The following ST6GAL1 variants were observed in gnomAD, a reference collection of about 807,000 sequenced individuals.
ST6GAL1 encodes beta-galactoside alpha-2,6-sialyltransferase 1.
A neutral mutation model predicts 38.0 loss-of-function variants in ST6GAL1; 20 were observed. The observed-to-expected ratio is 0.53, with a 90% CI of 0.37 to 0.77. ST6GAL1 has a LOEUF of 0.77. Ranked by LOEUF, ST6GAL1 falls within the 30% of genes least tolerant of loss-of-function variation. The probability of loss-of-function intolerance (pLI) is 0.00; values close to 1 mark genes in which losing one functional copy is unlikely to be tolerated. For synonymous variants in ST6GAL1, 196 were observed against 188.2 expected, an observed-to-expected ratio of 1.04 and a Z score of -0.34; for missense variants, 432 against 496.4, an observed-to-expected ratio of 0.87 and a Z score of 1.23.
At chr3:187,064,689 C>G in intron 5 of ST6GAL1, 1 of 451,970 alleles carries the variant, frequency 2.2e-6, no homozygotes, top group Non-Finnish European at 4.4e-6. Context: ...TACTCGAGTC[C>G]TGGCCGCTCC....
intron 1 of ST6GAL1, among the ~76,000 whole-genome samples, chr3:186,955,427 A>G (rs1050348936): frequency 1.3e-5 from 2 of 151,796 alleles, no homozygotes; most frequent in South Asian, 2.1e-4. Context: ...TTTGGGTGGT[A>G]TGGCCATTTT....
chr3:186,945,704 C>T (rs1342761784), intron 1 of ST6GAL1, among the ~76,000 whole-genome samples: 4 of 151,818 alleles, frequency 2.6e-5, no homozygotes, highest in African/African-American at 9.7e-5. Flanking sequence ...GTACCTTTTC[C>T]GGCTGGGCAC....
At chr3:187,042,592 G>T in intron 3 of ST6GAL1, 62 bp from the exon 4 acceptor site, 1 of 1,447,374 alleles carries the variant, frequency 6.9e-7, no homozygotes. Flanking sequence ...CCATCGCTCC[G>T]CCTCATGCCA....
At chr3:186,987,439 G>A (rs924255228) in intron 2 of ST6GAL1, among the ~76,000 whole-genome samples, 2 of 152,080 alleles carry the variant, frequency 1.3e-5, no homozygotes, top group Non-Finnish European at 2.9e-5. Flanking sequence ...GCCTTTGGGG[G>A]AGAAAATTGA....
chr3:187,051,050 G>A (rs146656810), intron 4 of ST6GAL1, among the ~76,000 whole-genome samples, 199 bp from the exon 5 acceptor site: 41 of 152,304 alleles, frequency 2.7e-4, no homozygotes, highest in African/African-American at 8.4e-4. Flanking sequence ...CCTTACAGTG[G>A]CTGGCAGACA....
At chr3:187,002,224 A>G (rs1716644031) in intron 2 of ST6GAL1, among the ~76,000 whole-genome samples, 1 of 152,186 alleles carries the variant, frequency 6.6e-6, no homozygotes, top group South Asian at 2.1e-4. Context: ...ATAATTCCAC[A>G]AAGAAGGGAT....
At position 187,069,456 on chromosome 3, in the gene ST6GAL1, T is replaced by C. The variant is rs188238257; in HGVS notation, c.706-3393T>C. 3.6e-3 allele frequency among the ~76,000 whole-genome samples: 546 copies of C among 152,324 alleles called. 8 individuals are homozygous for C. Among genetic ancestry groups the C allele is most frequent in the Non-Finnish European group, 5.2e-3 (352 of 68,028 alleles). ...ATACCAGTTGTTCCTTTTTCTCTGTTCTTATGCAGGAAATGGCCTGAGGTC... is the reference window on the plus strand; with the variant it reads ...ATACCAGTTGTTCCTTTTTCTCTGTCCTTATGCAGGAAATGGCCTGAGGTC... On this transcript the variant is annotated intron_variant, in intron 5 of 7. Transcript: ENST00000169298.
intron 5 of ST6GAL1, among the ~76,000 whole-genome samples, chr3:187,065,985 T>C (rs1719099637): frequency 6.6e-6 from 1 of 152,226 alleles, no homozygotes; most frequent in African/African-American, 2.4e-5. Flanking sequence ...TTCTAGGTGT[T>C]TGCCACCAGC....
chr3:187,006,302 C>T (rs1420813659), intron 2 of ST6GAL1: 1 of 152,146 alleles, frequency 6.6e-6, no homozygotes, highest in African/African-American at 2.4e-5. Flanking sequence ...CCAGATCTAA[C>T]CTACCTCATG....
chr3:186,959,458 T>C (rs1560142236), intron 1 of ST6GAL1, among the ~76,000 whole-genome samples: 1 of 152,130 alleles, frequency 6.6e-6, no homozygotes, highest in Non-Finnish European at 1.5e-5. Flanking sequence ...CATAGGCTTG[T>C]GTGAAGAATA....
At chr3:187,053,780 A>G (rs1270293949) in intron 5 of ST6GAL1, among the ~76,000 whole-genome samples, 1 of 152,132 alleles carries the variant, frequency 6.6e-6, no homozygotes, top group Non-Finnish European at 1.5e-5. Context: ...TTGGCAATGC[A>G]GGCTCTTTTT....
intron 2 of ST6GAL1, among the ~76,000 whole-genome samples, chr3:187,001,257 C>T (rs1716607428): frequency 6.6e-6 from 1 of 152,194 alleles, no homozygotes; most frequent in Non-Finnish European, 1.5e-5. Flanking sequence ...CTTTCCATAC[C>T]CTCCACTGCA....
At chr3:187,048,185 T>C (rs977876051) in intron 4 of ST6GAL1, among the ~76,000 whole-genome samples, 8 of 152,138 alleles carry the variant, frequency 5.3e-5, no homozygotes, top group Admixed American at 1.3e-4. Flanking sequence ...CCTCGTGATC[T>C]GCCCACCTTG....
At chr3:186,941,974 T>C (rs1354493644) in intron 1 of ST6GAL1, among the ~76,000 whole-genome samples, 1 of 151,068 alleles carries the variant, frequency 6.6e-6, no homozygotes, top group Non-Finnish European at 1.5e-5. Flanking sequence ...ATCATGCCAC[T>C]GCACTCCATC....
chr3:186,984,857 T>G (rs1005874593), intron 2 of ST6GAL1, among the ~76,000 whole-genome samples: 8 of 128,182 alleles, frequency 6.2e-5, no homozygotes, highest in Middle Eastern at 3.4e-3. Flanking sequence ...CCTTCCTTCC[T>G]TCCTTCCTTC....
chr3:186,982,163 C>G (rs1715716934), intron 2 of ST6GAL1, among the ~76,000 whole-genome samples: 2 of 152,164 alleles, frequency 1.3e-5, no homozygotes, highest in South Asian at 4.1e-4. Context: ...TACCATTTTG[C>G]CTCATTAGAA....
intron 1 of ST6GAL1, among the ~76,000 whole-genome samples, chr3:186,950,297 C>T (rs568429668): frequency 3.3e-4 from 50 of 152,206 alleles, no homozygotes; most frequent in Non-Finnish European, 7.2e-4. Context: ...CGGGCTTCCC[C>T]CTCTCTGCTG....
At chr3:186,946,685 C>G (rs1280014108) in intron 1 of ST6GAL1, among the ~76,000 whole-genome samples, 1 of 152,134 alleles carries the variant, frequency 6.6e-6, no homozygotes, top group Non-Finnish European at 1.5e-5. Flanking sequence ...ATAGAGGGCT[C>G]TTGGGTGATT....
chr3:186,995,817 T>A (rs1281536450), intron 2 of ST6GAL1, among the ~76,000 whole-genome samples: 3 of 152,130 alleles, frequency 2.0e-5, no homozygotes, highest in Non-Finnish European at 4.4e-5. Flanking sequence ...GTGCTCCAGC[T>A]TGGGTGACAG....
Sources: gnomAD v4.1 joint callset for allele counts (sites outside exome capture counted in the v4.1 genomes callset) on GRCh38, gnomAD v4.1.1 for gene constraint, MANE v1.5 for transcripts, NCBI Gene and HGNC (gene_info 2026-07-23, HGNC 2026-07-21) for gene names.